The following CADPS2 variants were observed in gnomAD, a reference collection of about 807,000 sequenced individuals.
The protein encoded by CADPS2 is calcium dependent secretion activator 2, also known as calcium-dependent secretion activator 2.
Under a neutral mutation model 172.5 loss-of-function variants are expected in CADPS2, and 93 were observed. The ratio of observed to expected loss-of-function variants is 0.54; its 90% CI spans 0.46 to 0.64. The LOEUF (loss-of-function observed/expected upper bound fraction) is 0.64. Among genes scored for constraint, CADPS2 ranks in the 30% least tolerant of loss-of-function variants. The probability of loss-of-function intolerance (pLI) is 0.00; values close to 1 mark genes in which losing one functional copy is unlikely to be tolerated. For synonymous variants in CADPS2, 546 were observed against 555.2 expected, an observed-to-expected ratio of 0.98 and a Z score of 0.23; for missense variants, 1,420 against 1,565.9, an observed-to-expected ratio of 0.91 and a Z score of 1.57.
At chr7:122,652,728 T>C (rs537600307) in intron 3 of CADPS2, among the ~76,000 whole-genome samples, 26 of 152,304 alleles carry the variant, frequency 1.7e-4, no homozygotes, top group South Asian at 6.2e-4. Flanking sequence ...TGCAGATACA[T>C]TGTTCTCAAA....
intron 14 of CADPS2, 126 bp from the exon 15 acceptor site, chr7:122,451,601 G>T: frequency 6.2e-6 from 3 of 483,530 alleles, no homozygotes; most frequent in Non-Finnish European, 7.1e-6. Context: ...TGTTTACAGT[G>T]GAAATTTACT....
chr7:122,350,443 A>T (rs1409821575), intron 27 of CADPS2, among the ~76,000 whole-genome samples: 1 of 152,116 alleles, frequency 6.6e-6, no homozygotes, highest in African/African-American at 2.4e-5. Flanking sequence ...TTGAATAAAA[A>T]TCTCCTGAAA....
At chr7:122,820,420 C>A (rs919909465) in intron 1 of CADPS2, among the ~76,000 whole-genome samples, 1 of 151,948 alleles carries the variant, frequency 6.6e-6, no homozygotes, top group African/African-American at 2.4e-5. Context: ...TCTCAAACCC[C>A]AGCACCTTCT....
At chr7:122,631,962 C>T (rs2076619786) in intron 3 of CADPS2, among the ~76,000 whole-genome samples, 1 of 152,050 alleles carries the variant, frequency 6.6e-6, no homozygotes, top group African/African-American at 2.4e-5. Context: ...TGTTAAGGTG[C>T]TAATTTGCTT....
At chr7:122,541,125 G>C (rs1242718313) in intron 8 of CADPS2, among the ~76,000 whole-genome samples, 1 of 150,510 alleles carries the variant, frequency 6.6e-6, no homozygotes, top group East Asian at 1.9e-4. Context: ...CTGTGGTTCA[G>C]AATGAAATAG....
At chr7:122,826,799 C>T (rs1356136068) in intron 1 of CADPS2, among the ~76,000 whole-genome samples, 2 of 151,574 alleles carry the variant, frequency 1.3e-5, no homozygotes, top group African/African-American at 4.9e-5. Flanking sequence ...TAAAACATTA[C>T]TGAAAGGAAA....
At chr7:122,676,804 G>A (rs1489422034) in intron 2 of CADPS2, 2 of 816,500 alleles carry the variant, frequency 2.4e-6, no homozygotes, top group Non-Finnish European at 3.9e-6. Flanking sequence ...CATGGGACAA[G>A]ATTCCGAACT....
intron 8 of CADPS2, among the ~76,000 whole-genome samples, chr7:122,515,818 TA>T (rs989544431): frequency 1.2e-4 from 17 of 143,086 alleles, no homozygotes; most frequent in Non-Finnish European, 1.9e-4. Context: ...AAAAGTATAA[TA>T]AAAAAATTAA....
intron 7 of CADPS2, among the ~76,000 whole-genome samples, chr7:122,555,795 A>G (rs550782042): frequency 1.3e-5 from 2 of 152,192 alleles, no homozygotes; most frequent in African/African-American, 4.8e-5. Flanking sequence ...GCTGCCTTCT[A>G]TTCTTAGATT....
At position 122,471,498 on chromosome 7, in the gene CADPS2, C is replaced by T; in HGVS notation, c.2063G>A (p.Gly688Asp). 6.2e-7 allele frequency: 1 copy of T among 1,612,390 alleles called. No homozygotes were observed. The highest frequency in any genetic ancestry group is 8.5e-7 in the Non-Finnish European group (1 of 1,179,218). The change falls in exon 14 of 30, where the codon GGC (glycine) becomes GAC (aspartate). Residue 688 changes from glycine to aspartate, a missense_variant. Transcript: ENST00000449022. Reference sequence around the variant, plus strand: ...AAGGTAGCAGAGATGTCTGTGACAGCCTCTCACACCATAACGGGCACAGTA... The same window carrying T: ...AAGGTAGCAGAGATGTCTGTGACAGTCTCTCACACCATAACGGGCACAGTA... ...DEYCARYGVR[G>D]CHRHLCYLAE...
At chr7:122,559,538 G>A (rs984440049) in intron 7 of CADPS2, among the ~76,000 whole-genome samples, 1 of 152,038 alleles carries the variant, frequency 6.6e-6, no homozygotes, top group Non-Finnish European at 1.5e-5. Flanking sequence ...TTGGGAAGCC[G>A]AGGCAGGTGG....
rs545309354 is a variant in CADPS2 at position 122,575,139 on chromosome 7, G to A, written c.1335+6040C>T. Among the ~76,000 whole-genome samples the A allele has an allele frequency of 9.8e-4, 148 of 150,886 alleles. 1 individual carries two copies. Among genetic ancestry groups the A allele is most frequent in the Non-Finnish European group, 1.7e-3 (116 of 67,792 alleles). On this transcript the variant is annotated intron_variant, in intron 7 of 29. Coordinates refer to ENST00000449022, the MANE Select transcript of CADPS2 (RefSeq NM_017954.11). ...ATCCAGAATAAAGAACATTTTATAA[G>A]ACTAATTTGGATGCTTAAAAATGTC...
At chr7:122,787,136 TA>T (rs1296052384) in intron 1 of CADPS2, among the ~76,000 whole-genome samples, 57 of 152,312 alleles carry the variant, frequency 3.7e-4, no homozygotes, top group African/African-American at 1.3e-3. Context: ...GAGGAACAGC[TA>T]ATGTGCATAT....
chr7:122,791,463 G>C (rs1274582863), intron 1 of CADPS2, among the ~76,000 whole-genome samples: 1 of 151,784 alleles, frequency 6.6e-6, no homozygotes, highest in Non-Finnish European at 1.5e-5. Flanking sequence ...CTCAGCAAAG[G>C]ATAAGAAAGT....
intron 9 of CADPS2, 68 bp from the exon 10 acceptor site, chr7:122,491,488 T>A (rs1043528706): frequency 1.1e-5 from 8 of 718,756 alleles, no homozygotes; most frequent in Middle Eastern, 2.5e-4. Flanking sequence ...TTCGTTTTTT[T>A]ATCAAAATAC....
chr7:122,659,861 C>T (rs2430040), intron 3 of CADPS2, among the ~76,000 whole-genome samples: 82,162 of 147,416 alleles, frequency 0.56, 22,731 homozygotes, highest in East Asian at 0.73. Flanking sequence ...ATTTTCAGAG[C>T]GCTGAAAGAG....
intron 1 of CADPS2, among the ~76,000 whole-genome samples, chr7:122,778,685 G>T (rs2093956956): frequency 6.6e-6 from 1 of 152,236 alleles, no homozygotes; most frequent in African/African-American, 2.4e-5. Flanking sequence ...CTCACGGGGT[G>T]CAAGCCCCAA....
chr7:122,593,032 C>A (rs901444361), intron 6 of CADPS2, among the ~76,000 whole-genome samples: 3 of 149,880 alleles, frequency 2.0e-5, no homozygotes, highest in Non-Finnish European at 3.0e-5. Flanking sequence ...ATTTGAAATT[C>A]CAACTTGAGA....
chr7:122,393,681 CAGA>C, intron 20 of CADPS2, 99 bp from the exon 21 acceptor site: 1 of 1,213,644 alleles, frequency 8.2e-7, no homozygotes, highest in Non-Finnish European at 1.2e-6. Context: ...GAGTCTGACA[CAGA>C]AGAACTGATA....
Sources: gnomAD v4.1 joint callset for allele counts (sites outside exome capture counted in the v4.1 genomes callset) on GRCh38, gnomAD v4.1.1 for gene constraint, MANE v1.5 for transcripts, NCBI Gene and HGNC (gene_info 2026-07-23, HGNC 2026-07-21) for gene names.